MAP7D1: variants seen among roughly 807,000 people sequenced by gnomAD.
The protein encoded by MAP7D1 is MAP7 domain-containing protein 1.
A neutral mutation model predicts 97.5 loss-of-function variants in MAP7D1; 30 were observed. The ratio of observed to expected loss-of-function variants is 0.31; its 90% CI spans 0.23 to 0.42. The LOEUF (loss-of-function observed/expected upper bound fraction) is 0.42, where lower values mean the gene tolerates loss of function less well. MAP7D1 is among the 10% of genes least tolerant of loss of function. MAP7D1 has a pLI of 1.00. For missense variants in MAP7D1, 1,184 were observed against 1,179.5 expected (o/e 1.00, Z -0.06); for synonymous variants, 536 against 477.1 (o/e 1.12, Z -1.61).
Position 36,180,361 on chromosome 1 carries a change from G to A in MAP7D1, c.*103G>A, listed in dbSNP as rs1224090554. On this transcript the variant is annotated 3_prime_UTR_variant, in exon 17 of 17. Coordinates refer to ENST00000474796, the MANE Select transcript of MAP7D1 (RefSeq NM_001388490.1). ...ACAGAACAAAGATGGAAGTGGCCTGGGCCCCTGGGGGTGGGTCCTCTCTGT... is the reference window on the plus strand; with the variant it reads ...ACAGAACAAAGATGGAAGTGGCCTGAGCCCCTGGGGGTGGGTCCTCTCTGT... The A allele has an allele frequency of 2.0e-6, 3 of 1,533,316 alleles. No homozygotes were observed. The highest frequency in any genetic ancestry group is 2.7e-6 in the Non-Finnish European group (3 of 1,106,816). 95.0% of individuals were successfully genotyped at this position (1,533,316 alleles called of 1,614,324 possible).
intron 1 of MAP7D1, among the ~76,000 whole-genome samples, chr1:36,161,620 G>A (rs1557771278): frequency 1.3e-5 from 2 of 152,210 alleles, no homozygotes; most frequent in Non-Finnish European, 2.9e-5. Flanking sequence ...AAAAGCATTA[G>A]CTGTTGCTCC....
rs1269339083 is a variant in MAP7D1, at chr1:36,178,439, C to A, written c.1729C>A (p.Pro577Thr). ...TPTDAAVLTS[P>T]PAPAPPVTPS... ...TCCAGACGCTGCTGTCTTGACCTCACCCCCAGCCCCTGCTCCCCCGGTGAC... is the reference window on the plus strand; with the variant it reads ...TCCAGACGCTGCTGTCTTGACCTCAACCCCAGCCCCTGCTCCCCCGGTGAC... Residue 577 changes from proline (P) to threonine (T), a missense_variant, in exon 10 of 17, where the codon CCC (proline) becomes ACC (threonine). By Grantham distance (38) the Pro-to-Thr change is conservative. Coordinates refer to ENST00000474796, the MANE Select transcript of MAP7D1 (RefSeq NM_001388490.1). 1.2e-6 allele frequency: 2 copies of A among 1,610,824 alleles called. No homozygotes were observed. Among genetic ancestry groups the A allele is most frequent in the East Asian group, 2.2e-5 (1 of 44,814 alleles).
At position 36,177,866 on chromosome 1, in the gene MAP7D1, C is replaced by T; in HGVS notation, c.1380-7C>T. On this transcript the variant is annotated splice_region_variant and splice_polypyrimidine_tract_variant and intron_variant, in intron 8 of 16. Transcript: ENST00000474796. ...TCCTAACCCTTCCCTTTTCCCTTTT[C>T]TCTTAGCCCCAAATCCAAGGCCAGG... 2 of 1,527,588 alleles carry T rather than the reference C, an allele frequency of 1.3e-6. No individual in the cohort carries two copies. The highest frequency in any genetic ancestry group is 1.8e-6 in the Non-Finnish European group (2 of 1,138,554). The allele number at this position is 1,527,588 out of a possible 1,614,324, so 94.6% of individuals were successfully genotyped here.
chr1:36,179,957 A>G lies in MAP7D1; in HGVS notation c.2402A>G (p.Asn801Ser), dbSNP rs769666030. The change falls in exon 16 of 17, where the codon AAC becomes AGC. Residue 801 changes from asparagine to serine, a missense_variant. By Grantham distance (46) the Asn-to-Ser change is conservative (BLOSUM62 1). Transcript: ENST00000474796. ...CACCAGGAGAATGGCTTCTCCACCA[A>G]CGGACCCTCTGGGGACAAGAGTCTG... Reference protein sequence around the residue: ...PAHQENGFSTNGPSGDKSLSR... With the variant: ...PAHQENGFSTSGPSGDKSLSR... 18 of 1,614,046 alleles carry G rather than the reference A, an allele frequency of 1.1e-5. No individual in the cohort carries two copies. The South Asian group carries it at 1.3e-4, about 12-fold the overall frequency.
At chr1:36,169,252 GAA>G (rs35202518) in intron 1 of MAP7D1, among the ~76,000 whole-genome samples, 11 of 112,332 alleles carry the variant, frequency 9.8e-5, no homozygotes, top group Admixed American at 2.8e-4. Flanking sequence ...GCTCTGTCTT[GAA>G]AAAAAAAAAA....
chr1:36,167,948 T>C (rs1644492939), intron 1 of MAP7D1, among the ~76,000 whole-genome samples: 1 of 152,180 alleles, frequency 6.6e-6, no homozygotes, highest in South Asian at 2.1e-4. Flanking sequence ...ACCCTCAACC[T>C]TCAAGCTTAA....
At chr1:36,179,147 GGA>G in intron 12 of MAP7D1, 113 bp from the exon 13 acceptor site, 1 of 1,490,872 alleles carries the variant, frequency 6.7e-7, no homozygotes, top group Non-Finnish European at 9.2e-7. Flanking sequence ...TTCCTGTCCT[GGA>G]GAGGGCTGCT....
rs1044684066 is a variant in MAP7D1 at position 36,180,376 on chromosome 1, G to A, written c.*118G>A. 3.4e-5 allele frequency: 49 copies of A among 1,425,446 alleles called. No homozygotes were observed. Among genetic ancestry groups the A allele is most frequent in the Non-Finnish European group, 4.5e-5 (45 of 1,009,956 alleles). 88.3% of individuals were successfully genotyped at this position (1,425,446 alleles called of 1,614,324 possible). A position where few individuals can be genotyped will look rare whatever the true frequency, so the allele number is the denominator to read the frequency against. On this transcript the variant is annotated 3_prime_UTR_variant, in exon 17 of 17. Coordinates refer to ENST00000474796, the MANE Select transcript of MAP7D1 (RefSeq NM_001388490.1). ...AAGTGGCCTGGGCCCCTGGGGGTGGGTCCTCTCTGTTGTTTTTAATCTGCA... is the reference window on the plus strand; with the variant it reads ...AAGTGGCCTGGGCCCCTGGGGGTGGATCCTCTCTGTTGTTTTTAATCTGCA...
At chr1:36,177,550 C>G (rs940344371) in intron 8 of MAP7D1, 4 of 618,542 alleles carry the variant, frequency 6.5e-6, no homozygotes, top group Admixed American at 2.1e-5. Context: ...AACAACAAAA[C>G]CTGCTGAATG....
chr1:36,163,746 G>T (rs1644440363), intron 1 of MAP7D1, among the ~76,000 whole-genome samples: 1 of 151,082 alleles, frequency 6.6e-6, no homozygotes, highest in Non-Finnish European at 1.5e-5. Context: ...CTATTGAGAT[G>T]GAGTTGTTTT....
chr1:36,171,569 G>A lies in MAP7D1; in HGVS notation c.448G>A (p.Ala150Thr). 1 of 1,614,150 alleles carries A rather than the reference G, an allele frequency of 6.2e-7. No homozygotes were observed. The highest frequency in any genetic ancestry group is 8.5e-7 in the Non-Finnish European group (1 of 1,179,992). Residue 150 changes from alanine to threonine, a missense_variant, in exon 3 of 17, where the codon GCC (alanine) becomes ACC (threonine). By Grantham distance (58) the Ala-to-Thr change is moderately conservative (BLOSUM62 0). Coordinates refer to ENST00000474796, the MANE Select transcript of MAP7D1 (RefSeq NM_001388490.1). ...GGCAAAGGAGCGGCGAGAAGAGCGG[G>A]CCAAGTACCTGGGTGAGTGAGCAGG... is the stretch of plus-strand genomic sequence containing the variant. ...KLAKERREER[A>T]KYLAAKKAVW...
chr1:36,178,999 GAGC>G lies in MAP7D1; in HGVS notation c.2106_2108del (p.Gln703del). On this transcript the variant is annotated inframe_deletion, in exon 12 of 17. Coordinates refer to ENST00000474796, the MANE Select transcript of MAP7D1 (RefSeq NM_001388490.1). ...GCGGGAAAAGCACTTCCAGCAGCAG[GAGC>G]AAGAGCGGCAAGAGCGCAGAAAGGT... 6.4e-7 allele frequency: 1 copy of G among 1,556,388 alleles called. No homozygotes were observed. Among genetic ancestry groups the G allele is most frequent in the Non-Finnish European group, 8.7e-7 (1 of 1,150,368 alleles).
At chr1:36,173,300 C>T in intron 4 of MAP7D1, 64 bp from the exon 5 acceptor site, 1 of 1,284,310 alleles carries the variant, frequency 7.8e-7, no homozygotes, top group Non-Finnish European at 1.1e-6. Flanking sequence ...GAAGAAGGGC[C>T]TCTATCCCAA....
intron 1 of MAP7D1, among the ~76,000 whole-genome samples, 168 bp from the exon 2 acceptor site, chr1:36,170,803 A>G (rs973235154): frequency 7.9e-5 from 12 of 152,094 alleles, no homozygotes; most frequent in Non-Finnish European, 1.8e-4. Flanking sequence ...GATCATGGCT[A>G]TTTTCTCACC....
rs750759780 is a variant in MAP7D1, at chr1:36,178,421, G to A, written c.1711G>A (p.Ala571Thr). Residue 571 changes from alanine to threonine, a missense_variant and splice_region_variant, in exon 10 of 17, where the codon GCT becomes ACT. By Grantham distance (58) the Ala-to-Thr change is moderately conservative. Transcript: ENST00000474796. The part of the protein sequence containing the change: ...EQPPAETPTD[A>T]AVLTSPPAPA... ...CCTGATCCCGGATCCCCCTCCAGAC[G>A]CTGCTGTCTTGACCTCACCCCCAGC... is the stretch of plus-strand genomic sequence containing the variant. The A allele has an allele frequency of 6.2e-7, 1 of 1,608,888 alleles. No individual in the cohort carries two copies. Among genetic ancestry groups the A allele is most frequent in the Non-Finnish European group, 8.5e-7 (1 of 1,178,296 alleles).
intron 1 of MAP7D1, among the ~76,000 whole-genome samples, chr1:36,165,270 T>C (rs1644460236): frequency 6.6e-6 from 1 of 152,018 alleles, no homozygotes; most frequent in Non-Finnish European, 1.5e-5. Flanking sequence ...ACTACAGGTG[T>C]GCACCACCAT....
Position 36,172,528 on chromosome 1 carries a change from C to G in MAP7D1, c.525C>G (p.Leu175=), listed in dbSNP as rs747408088. The G allele has an allele frequency of 6.2e-7, 1 of 1,602,660 alleles. No homozygotes were observed. The highest frequency in any genetic ancestry group is 8.5e-7 in the Non-Finnish European group (1 of 1,171,854). ...CCAAGGCGCTGCGGGAGAAGCAGCTCCAGGAGCGCCGGCGCCGGCTGGAGG... is the reference window on the plus strand; with the variant it reads ...CCAAGGCGCTGCGGGAGAAGCAGCTGCAGGAGCGCCGGCGCCGGCTGGAGG... The part of the protein sequence containing the change: ...EKAKALREKQ[L]QERRRRLEEQ... The change falls in exon 4 of 17, where the codon CTC becomes CTG. Residue 175 remains leucine, a synonymous_variant. Coordinates refer to ENST00000474796, the MANE Select transcript of MAP7D1 (RefSeq NM_001388490.1).
chr1:36,172,370 A>G, intron 3 of MAP7D1, 94 bp from the exon 4 acceptor site: 1 of 1,253,334 alleles, frequency 8.0e-7, no homozygotes, highest in Non-Finnish European at 1.0e-6. Flanking sequence ...CACCCAGGGC[A>G]TGGGTAGCAG....
intron 1 of MAP7D1, among the ~76,000 whole-genome samples, chr1:36,169,982 A>G (rs1449264825): frequency 6.6e-6 from 1 of 152,220 alleles, no homozygotes; most frequent in Non-Finnish European, 1.5e-5. Context: ...AAAAATTTAA[A>G]AAAAGAGACT....
Sources: gnomAD v4.1 joint callset for allele counts (sites outside exome capture counted in the v4.1 genomes callset) on GRCh38, gnomAD v4.1.1 for gene constraint, MANE v1.5 for transcripts, NCBI Gene and HGNC (gene_info 2026-07-23, HGNC 2026-07-21) for gene names.